FAM204A: variants seen among roughly 807,000 people sequenced by gnomAD.
FAM204A encodes the protein protein FAM204A.
Under a neutral mutation model 35.4 loss-of-function variants are expected in FAM204A, and 16 were observed. That is an observed-to-expected ratio of 0.45 (90% CI 0.31 to 0.69). FAM204A has a LOEUF of 0.69. Among genes scored for constraint, FAM204A ranks in the 30% least tolerant of loss-of-function variants. The pLI is 0.07. For synonymous variants in FAM204A, 76 were observed against 86.9 expected (o/e 0.88, Z 0.70); for missense variants, 240 against 265.7 (o/e 0.90, Z 0.67).
In FAM204A at chr10:118,336,343, A is replaced by G; in HGVS notation, c.73T>C (p.Leu25=). ...TGTAAGTTAAGTCCAGAGTTCTCCA[A>G]CGTAGCTTCATCTTCCGAGTTTGAC... is the stretch of plus-strand genomic sequence containing the variant. The part of the protein sequence containing the change: ...AESNSEDEAT[L]ENSGLNLQED... The change falls in exon 3 of 9, where the codon TTG becomes CTG. Residue 25 remains leucine, a synonymous_variant. Transcript: ENST00000369183. 1.2e-6 allele frequency: 2 copies of G among 1,613,936 alleles called. No individual in the cohort carries two copies. Among genetic ancestry groups the G allele is most frequent in the Non-Finnish European group, 1.7e-6 (2 of 1,179,864 alleles).
rs554960417 is a variant in FAM204A, at chr10:118,303,762, AGAT to A, written c.*7092_*7094del. The A allele has an allele frequency of 6.2e-3, 951 of 152,502 alleles. 8 individuals carry two copies. The highest frequency in any genetic ancestry group is 0.022 in the African/African-American group (895 of 41,540). 9.4% of individuals were successfully genotyped at this position (152,502 alleles called of 1,614,324 possible). A position where few individuals can be genotyped will look rare whatever the true frequency, so the allele number is the denominator to read the frequency against. On this transcript the variant is annotated 3_prime_UTR_variant, in exon 9 of 9. Coordinates refer to ENST00000369183, the MANE Select transcript of FAM204A (RefSeq NM_022063.3). ...GGGAAGCAGAGGTTGAAGTGAGCTG[AGAT>A]GACACCACTGCACTCTAGCCTGGCG...
intron 7 of FAM204A, among the ~76,000 whole-genome samples, chr10:118,323,632 G>GA (rs1231432742): frequency 6.6e-6 from 1 of 152,034 alleles, no homozygotes; most frequent in Non-Finnish European, 1.5e-5. Context: ...TTAGAGCCAT[G>GA]AAAGGTTATC....
At chr10:118,325,637 C>A (rs1317874750) in intron 7 of FAM204A, among the ~76,000 whole-genome samples, 1 of 152,086 alleles carries the variant, frequency 6.6e-6, no homozygotes, top group Admixed American at 6.6e-5. Context: ...CTTCTTGTGG[C>A]CTTCTGTACT....
intron 2 of FAM204A, among the ~76,000 whole-genome samples, 169 bp downstream of exon 2, chr10:118,341,558 T>C (rs189496922): frequency 1.0e-3 from 152 of 152,278 alleles, no homozygotes; most frequent in African/African-American, 3.4e-3. Flanking sequence ...AAAAACTACT[T>C]ATTTAGCAAG....
chr10:118,327,819 G>A (rs935450197), intron 6 of FAM204A, among the ~76,000 whole-genome samples: 2 of 152,124 alleles, frequency 1.3e-5, no homozygotes, highest in East Asian at 1.9e-4. Flanking sequence ...TGTACTGGCC[G>A]GCATGTTGAC....
Position 118,310,646 on chromosome 10 carries a change from T to G in FAM204A, c.*211A>C. ...TTCTATATTTTTTTTCTTACATTTC[T>G]TATACAAATAACAGAATGCTTCATT... On this transcript the variant is annotated 3_prime_UTR_variant, in exon 9 of 9. Transcript: ENST00000369183. The G allele has an allele frequency of 1.9e-6, 1 of 522,312 alleles. No homozygotes were observed. The highest frequency in any genetic ancestry group is 3.3e-6 in the Non-Finnish European group (1 of 302,698). 32.4% of individuals were successfully genotyped at this position (522,312 alleles called of 1,614,324 possible).
chr10:118,340,574 A>G (rs1425973548), intron 2 of FAM204A, among the ~76,000 whole-genome samples: 1 of 152,224 alleles, frequency 6.6e-6, no homozygotes, highest in Non-Finnish European at 1.5e-5. Flanking sequence ...CCCAGTATCC[A>G]GTAGATAAGG....
chr10:118,338,090 A>G (rs1455865956), intron 2 of FAM204A, among the ~76,000 whole-genome samples: 1 of 152,218 alleles, frequency 6.6e-6, no homozygotes, highest in East Asian at 1.9e-4. Context: ...CTTAAGCTCC[A>G]AGATTCCTCA....
chr10:118,335,387 TCTAC>T lies in FAM204A; in HGVS notation c.353+5_353+8del, dbSNP rs753847218. On this transcript the variant is annotated splice_donor_5th_base_variant and intron_variant, in intron 5 of 8. Coordinates refer to ENST00000369183, the MANE Select transcript of FAM204A (RefSeq NM_022063.3). ...CCTAAAATAGATAACTATTTTAAAT[TCTAC>T]CTACCTATGTAATTCTTTTTCATTC... The T allele has an allele frequency of 1.3e-5, 20 of 1,587,908 alleles. No individual in the cohort carries two copies. The highest frequency in any genetic ancestry group is 8.1e-5 in the South Asian group (7 of 86,482).
chr10:118,333,228 G>C (rs1455581872), intron 6 of FAM204A, among the ~76,000 whole-genome samples: 3 of 152,128 alleles, frequency 2.0e-5, no homozygotes, highest in Non-Finnish European at 4.4e-5. Context: ...AGTTTGTTTT[G>C]TTTTACCATC....
rs550646566 is a variant in FAM204A, at chr10:118,312,137, T to C, written c.544-824A>G. Among the ~76,000 whole-genome samples, 18 of 152,344 alleles carry C rather than the reference T, an allele frequency of 1.2e-4. No individual in the cohort carries two copies. The South Asian group carries it at 3.5e-3, about 30-fold the overall frequency. The stretch of plus-strand genomic sequence containing the variant: ...AGCATCTCCAGGATAAGCATTGTGA[T>C]GGTATCTTCTACTTTTAGTGTGCTC... On this transcript the variant is annotated intron_variant, in intron 7 of 8. Transcript: ENST00000369183.
At chr10:118,325,113 GT>G (rs1277491843) in intron 7 of FAM204A, among the ~76,000 whole-genome samples, 1 of 152,026 alleles carries the variant, frequency 6.6e-6, no homozygotes, top group African/African-American at 2.4e-5. Context: ...TTCTCAACTT[GT>G]TTTTTCCCTA....
At position 118,336,373 on chromosome 10, in the gene FAM204A, C is replaced by A; in HGVS notation, c.43G>T (p.Ala15Ser). The change falls in exon 3 of 9, where the codon GCT becomes TCT. Residue 15 changes from alanine (A) to serine (S), a missense_variant. This residue lies in a region of FAM204A where 232 missense variants were observed against 242.8 expected (regional missense o/e 0.96). Transcript: ENST00000369183. Reference sequence around the variant, plus strand: ...GCTTCATCTTCCGAGTTTGACTCAGCGTCACTTTCATTTAGGCCAGGAGGT... The same window carrying A: ...GCTTCATCTTCCGAGTTTGACTCAGAGTCACTTTCATTTAGGCCAGGAGGT... The part of the protein sequence containing the change: ...LLPPGLNESD[A>S]ESNSEDEATL... 9.9e-6 allele frequency: 16 copies of A among 1,613,046 alleles called. No homozygotes were observed. Among genetic ancestry groups the A allele is most frequent in the Non-Finnish European group, 1.4e-5 (16 of 1,179,268 alleles).
At chr10:118,335,927 C>T (rs1846376408) in intron 3 of FAM204A, 7 of 535,528 alleles carry the variant, frequency 1.3e-5, no homozygotes, top group South Asian at 5.6e-5. Context: ...TCATGTACCA[C>T]GCTAGGCAAA....
intron 7 of FAM204A, among the ~76,000 whole-genome samples, chr10:118,312,328 G>A (rs1014156625): frequency 6.6e-6 from 1 of 152,156 alleles, no homozygotes; most frequent in Non-Finnish European, 1.5e-5. Flanking sequence ...AAGAAGAAAT[G>A]ACCTAGAAGC....
intron 7 of FAM204A, among the ~76,000 whole-genome samples, chr10:118,323,313 T>A (rs987658767): frequency 5.9e-5 from 9 of 152,118 alleles, no homozygotes; most frequent in Non-Finnish European, 1.3e-4. Context: ...TACTCGGAAC[T>A]ATCTCACAGA....
chr10:118,300,185 A>G lies in FAM204A; in HGVS notation c.*10672T>C, dbSNP rs1845793900. The G allele has an allele frequency of 6.6e-6, 1 of 152,220 alleles. No individual in the cohort carries two copies. Among genetic ancestry groups the G allele is most frequent in the African/African-American group, 2.4e-5 (1 of 41,466 alleles). 9.4% of individuals were successfully genotyped at this position (152,220 alleles called of 1,614,324 possible). A position where few individuals can be genotyped will look rare whatever the true frequency, so the allele number is the denominator to read the frequency against. On this transcript the variant is annotated 3_prime_UTR_variant, in exon 9 of 9. Transcript: ENST00000369183. ...ACCACGGAAATTGTGTGCAAAATGC[A>G]GTGCTTATGTTCACATGTCCATCTT...
chr10:118,337,399 T>C (rs562951104), intron 2 of FAM204A, among the ~76,000 whole-genome samples: 24 of 152,314 alleles, frequency 1.6e-4, no homozygotes, highest in African/African-American at 5.3e-4. Flanking sequence ...TGTCCCATAT[T>C]GTGATTAACC....
At chr10:118,335,782 G>A (rs1846374450) in intron 3 of FAM204A, 141 bp from the exon 4 acceptor site, 2 of 668,190 alleles carry the variant, frequency 3.0e-6, no homozygotes, top group East Asian at 2.8e-5. Context: ...TTCTTGAGAT[G>A]CTCTATTCTC....
Sources: allele counts gnomAD v4.1 joint callset (sites outside exome capture counted in the v4.1 genomes callset), GRCh38; gene constraint gnomAD v4.1.1; regional missense constraint gnomAD v4.1.1; transcripts MANE v1.5; gene names NCBI Gene and HGNC (gene_info 2026-07-23, HGNC 2026-07-21).